ACIN1: variants seen among roughly 807,000 people sequenced by gnomAD.
ACIN1 encodes the protein apoptotic chromatin condensation inducer 1.
A neutral mutation model predicts 146.6 loss-of-function variants in ACIN1; 16 were observed. That is an observed-to-expected ratio of 0.11 (90% CI 0.07 to 0.17). ACIN1 has a LOEUF of 0.17. Among genes scored for constraint, ACIN1 ranks in the 10% least tolerant of loss-of-function variants. The pLI is 1.00. For synonymous variants in ACIN1, 569 were observed against 582.7 expected, an observed-to-expected ratio of 0.98 and a Z score of 0.34; for missense variants, 1,357 against 1,609.3, an observed-to-expected ratio of 0.84 and a Z score of 2.68.
rs768513975 is a variant in ACIN1 at position 23,059,186 on chromosome 14, G to A, written c.3814C>T (p.Arg1272Trp). ...DTKRHSRSRS[R>W]STPVRDRGGR... ...CCCCGGTCCCGCACAGGTGTGCTCC[G>A]ACTCCGGCTTCTGCTGTGGCGCTTG... The change falls in exon 19 of 19, where the codon CGG becomes TGG. Residue 1272 changes from arginine to tryptophan, a missense_variant. Arg to Trp is a moderately radical substitution (Grantham distance 101). This residue lies in a region of ACIN1 where 509 missense variants were observed against 719.6 expected (regional missense o/e 0.71). Transcript: ENST00000605057. The A allele has an allele frequency of 1.2e-6, 2 of 1,613,924 alleles. No individual in the cohort carries two copies. The highest frequency in any genetic ancestry group is 1.7e-6 in the Non-Finnish European group (2 of 1,179,974).
intron 8 of ACIN1, among the ~76,000 whole-genome samples, chr14:23,072,351 C>A (rs569499722): frequency 6.6e-6 from 1 of 152,208 alleles, no homozygotes; most frequent in East Asian, 1.9e-4. Flanking sequence ...GGCAAGGGGA[C>A]CTTGGGTAGC....
intron 4 of ACIN1, among the ~76,000 whole-genome samples, chr14:23,085,661 T>C (rs76033526): frequency 0.027 from 4,133 of 152,140 alleles, 199 homozygotes; most frequent in African/African-American, 0.094. Flanking sequence ...TAGTCAGCAA[T>C]GCAAAATATA....
intron 15 of ACIN1, 23 bp from the exon 16 acceptor site, chr14:23,062,298 G>A (rs12896019): frequency 0.025 from 39,804 of 1,607,776 alleles, 600 homozygotes; most frequent in Non-Finnish European, 0.029. Flanking sequence ...GGGAGAAGAT[G>A]GAGGGTCACA....
At chr14:23,061,931 G>C (rs1039995656) in intron 16 of ACIN1, among the ~76,000 whole-genome samples, 1 of 134,970 alleles carries the variant, frequency 7.4e-6, no homozygotes, top group Non-Finnish European at 1.5e-5. Flanking sequence ...CTGAGATCGC[G>C]CCACTGCACT....
intron 16 of ACIN1, among the ~76,000 whole-genome samples, chr14:23,061,853 A>G (rs2047295683): frequency 6.6e-6 from 1 of 151,912 alleles, no homozygotes; most frequent in South Asian, 2.1e-4. Flanking sequence ...GGGCGCCTGT[A>G]GTCCCAGCTA....
rs1287507177 is a variant in ACIN1, at chr14:23,059,500, A to C, written c.3526-26T>G. 6 of 1,593,102 alleles carry C rather than the reference A, an allele frequency of 3.8e-6. No individual in the cohort carries two copies. In the Admixed American group the frequency reaches 1.0e-4, roughly 27 times the overall value. The stretch of plus-strand genomic sequence containing the variant: ...CTGTAGCCAGGTAGGAAAGGCAGAG[A>C]ATAGGCAGCTCAGTCCTGGTCACAG... On this transcript the variant is annotated intron_variant, in intron 18 of 18. Coordinates refer to ENST00000605057, the MANE Select transcript of ACIN1 (RefSeq NM_001386863.1).
intron 16 of ACIN1, among the ~76,000 whole-genome samples, 191 bp downstream of exon 16, chr14:23,061,977 A>AAAAAAAAAAAAAAAAAAAAAAAC: frequency 6.7e-6 from 1 of 150,176 alleles, no homozygotes; most frequent in African/African-American, 2.5e-5. Context: ...GTCTCAAAAA[A>AAAAAAAAAAAAAAAAAAAAAAAC]AAAAAAAAAA....
At position 23,068,084 on chromosome 14, in the gene ACIN1, C is replaced by G; in HGVS notation, c.2265+1392G>C. 1.0e-6 allele frequency: 1 copy of G among 985,912 alleles called. No individual in the cohort carries two copies. The highest frequency in any genetic ancestry group is 1.2e-6 in the Non-Finnish European group (1 of 829,972). The allele number at this position is 985,912 out of a possible 1,614,324, so 61.1% of individuals were successfully genotyped here. A position where few individuals can be genotyped will look rare whatever the true frequency, so the allele number is the denominator to read the frequency against. On this transcript the variant is annotated intron_variant, in intron 9 of 18. Transcript: ENST00000605057. This position sits in a 1 kb window ranked among gnomAD's most constrained non-coding sequence, Gnocchi z 4.3. ...TGGACAACAGGGACCAAAGGAAAGT[C>G]CATCTGATGAGCAAGTGGTGACACA...
intron 4 of ACIN1, among the ~76,000 whole-genome samples, chr14:23,086,256 G>A (rs944090734): frequency 6.6e-6 from 1 of 152,088 alleles, no homozygotes; most frequent in Non-Finnish European, 1.5e-5. Flanking sequence ...CGGAATGAGG[G>A]GCATACTCTA....
chr14:23,090,122 C>T (rs1017607988), intron 3 of ACIN1, 21 bp from the exon 4 acceptor site: 10 of 1,609,758 alleles, frequency 6.2e-6, no homozygotes, highest in African/African-American at 5.3e-5. Context: ...CAGATCGGGT[C>T]GGGGCAGGGA....
Position 23,081,838 on chromosome 14 carries a change from T to C in ACIN1, c.437-2A>G. 6.2e-7 allele frequency: 1 copy of C among 1,604,442 alleles called. No homozygotes were observed. Among genetic ancestry groups the C allele is most frequent in the African/African-American group, 1.3e-5 (1 of 74,456 alleles). On this transcript the variant is annotated splice_acceptor_variant, in intron 4 of 18. Coordinates refer to ENST00000605057, the MANE Select transcript of ACIN1 (RefSeq NM_001386863.1). LOFTEE classifies it high-confidence loss of function. ...CTTCAGAAATTGAGGAGCTTTTTCC[T>C]ATTGAATGAAAAAGAATCAAGTCAG...
In ACIN1 at chr14:23,067,382, G is replaced by C. The variant is rs1362678531; in HGVS notation, c.2266-1374C>G. 1 of 985,514 alleles carries C rather than the reference G, an allele frequency of 1.0e-6. No homozygotes were observed. Among genetic ancestry groups the C allele is most frequent in the East Asian group, 1.1e-4 (1 of 8,806 alleles). 61.0% of individuals were successfully genotyped at this position (985,514 alleles called of 1,614,324 possible). ...ATCTAGTCAACCGCCGGTCCAATCAGAATGAGCCCTCCCTGCTAGGCGCTG... is the reference window on the plus strand; with the variant it reads ...ATCTAGTCAACCGCCGGTCCAATCACAATGAGCCCTCCCTGCTAGGCGCTG... On this transcript the variant is annotated intron_variant, in intron 9 of 18. Transcript: ENST00000605057. This position sits in a 1 kb window ranked among gnomAD's most constrained non-coding sequence, Gnocchi z 4.6.
Position 23,080,728 on chromosome 14 carries a change from C to A in ACIN1, c.607G>T (p.Val203Phe). Reference protein sequence around the residue: ...DQETPSRNLRVRADRNLKTEE... With the variant: ...DQETPSRNLRFRADRNLKTEE... ...GTTTTCAAATTTCGATCTGCTCTGA[C>A]CCTTAGGTTTCTGGAAGGTGTTTCT... The change falls in exon 6 of 19, where the codon GTC becomes TTC. Residue 203 changes from valine (V) to phenylalanine (F), a missense_variant. By Grantham distance (50) the Val-to-Phe change is conservative. Transcript: ENST00000605057. 1.2e-6 allele frequency: 2 copies of A among 1,613,984 alleles called. No individual in the cohort carries two copies. Among genetic ancestry groups the A allele is most frequent in the South Asian group, 1.1e-5 (1 of 91,084 alleles).
chr14:23,063,550 C>G lies in ACIN1; in HGVS notation c.2623G>C (p.Gly875Arg). ...QVVPAEGQENGQREEEEEEKE... is the reference protein window; with the variant it reads ...QVVPAEGQENRQREEEEEEKE... Reference sequence around the variant, plus strand: ...TCTTCTTCCTCTTCTTCCCTCTGCCCATTCTCCTGGCCCTCTGCAGGTACT... The same window carrying G: ...TCTTCTTCCTCTTCTTCCCTCTGCCGATTCTCCTGGCCCTCTGCAGGTACT... Residue 875 changes from glycine to arginine, a missense_variant, in exon 13 of 19, where the codon GGG (glycine) becomes CGG (arginine). By Grantham distance (125) the Gly-to-Arg change is moderately radical. Around this residue, in one of 4 missense-constraint regions of ACIN1, gnomAD observed 509 missense variants for 719.6 expected, o/e 0.71. Coordinates refer to ENST00000605057, the MANE Select transcript of ACIN1 (RefSeq NM_001386863.1). The G allele has an allele frequency of 6.2e-7, 1 of 1,614,192 alleles. No individual in the cohort carries two copies. The highest frequency in any genetic ancestry group is 8.5e-7 in the Non-Finnish European group (1 of 1,180,036).
chr14:23,082,723 G>T (rs1196972634), intron 4 of ACIN1, among the ~76,000 whole-genome samples: 1 of 151,806 alleles, frequency 6.6e-6, no homozygotes, highest in African/African-American at 2.4e-5. Flanking sequence ...GGGATTACAG[G>T]CATGAGCTCA....
At chr14:23,095,221 C>T (rs115984185), upstream of ACIN1, 12 of 1,613,682 alleles carry the variant, frequency 7.4e-6, no homozygotes, top group East Asian at 2.0e-4. Flanking sequence ...CATACTCTAC[C>T]CCTCGATTAC....
In ACIN1 at chr14:23,064,716, G is replaced by T. The variant is rs1008026159; in HGVS notation, c.2309-228C>A. The T allele has an allele frequency of 1.2e-5, 6 of 491,192 alleles. No individual in the cohort carries two copies. In the East Asian group the frequency reaches 2.2e-4, roughly 18 times the overall value. The allele number at this position is 491,192 out of a possible 1,614,324, so 30.4% of individuals were successfully genotyped here. A position where few individuals can be genotyped will look rare whatever the true frequency, so the allele number is the denominator to read the frequency against. ...GTTTGAGACTAGCCTGACCAACATG[G>T]TGAAACCCCATCTCTACTAAAAATA... On this transcript the variant is annotated intron_variant, in intron 10 of 18. Coordinates refer to ENST00000605057, the MANE Select transcript of ACIN1 (RefSeq NM_001386863.1).
At chr14:23,076,728 A>G (rs2047811470) in intron 8 of ACIN1, among the ~76,000 whole-genome samples, 1 of 152,136 alleles carries the variant, frequency 6.6e-6, no homozygotes, top group Admixed American at 6.5e-5. Flanking sequence ...CCATTTCACA[A>G]AGGACATGCT....
chr14:23,061,210 T>G (rs1354670130), intron 17 of ACIN1, 26 bp from the exon 18 acceptor site: 1 of 1,613,952 alleles, frequency 6.2e-7, no homozygotes, highest in Admixed American at 1.7e-5. Context: ...GTGAACCAGA[T>G]ATGATGCATC....
Sources: allele counts gnomAD v4.1 joint callset (sites outside exome capture counted in the v4.1 genomes callset), GRCh38; gene constraint gnomAD v4.1.1; regional missense constraint gnomAD v4.1.1; non-coding constraint Gnocchi (gnomAD v3.1); transcripts MANE v1.5; gene names NCBI Gene and HGNC (gene_info 2026-07-23, HGNC 2026-07-21).